Variants in IL1RAPL2 observed in about 807,000 individuals in gnomAD.
IL1RAPL2 encodes the protein X-linked interleukin-1 receptor accessory protein-like 2.
A neutral mutation model predicts 44.1 loss-of-function variants in IL1RAPL2; 3 were observed. That is an observed-to-expected ratio of 0.07 (90% CI 0.03 to 0.18). The LOEUF (loss-of-function observed/expected upper bound fraction) is 0.18, where lower values mean the gene tolerates loss of function less well. IL1RAPL2 is among the 10% of genes least tolerant of loss of function. IL1RAPL2 has a pLI of 1.00. For synonymous variants in IL1RAPL2, 181 were observed against 178.8 expected (o/e 1.01, Z -0.10); for missense variants, 391 against 496.4 (o/e 0.79, Z 2.02).
intron 2 of IL1RAPL2, among the ~76,000 whole-genome samples, chrX:104,967,144 A>G (rs191953538): frequency 8.9e-6 from 1 of 112,041 alleles, no homozygotes; most frequent in Non-Finnish European, 1.9e-5. Context: ...ATTTACTAAA[A>G]TTGTCACGTA....
chrX:105,084,382 A>T (rs1026810205), intron 2 of IL1RAPL2, among the ~76,000 whole-genome samples: 1 of 113,033 alleles, frequency 8.8e-6, no homozygotes, highest in Non-Finnish European at 1.9e-5. Flanking sequence ...ACTGGGGCAG[A>T]GCTGCCCAAG....
intron 5 of IL1RAPL2, among the ~76,000 whole-genome samples, chrX:105,424,168 A>T (rs1444203666): frequency 1.8e-5 from 2 of 112,441 alleles, no homozygotes; most frequent in East Asian, 5.6e-4. Flanking sequence ...CCCGTGACAC[A>T]GCTTCAGGAG....
chrX:105,009,973 A>AT (rs1302134251), intron 2 of IL1RAPL2, among the ~76,000 whole-genome samples: 1 of 110,400 alleles, frequency 9.1e-6, no homozygotes, highest in Non-Finnish European at 1.9e-5. Flanking sequence ...TTTTTAATTA[A>AT]TTTTTTTATT....
intron 6 of IL1RAPL2, among the ~76,000 whole-genome samples, chrX:105,675,869 T>A (rs1386335621): frequency 8.9e-6 from 1 of 112,139 alleles, no homozygotes; most frequent in South Asian, 3.7e-4. Context: ...GGATTCAACC[T>A]ATTCCTGGTT....
At position 104,784,602 on chromosome X, in the gene IL1RAPL2, T is replaced by C. The variant is rs181072400; in HGVS notation, c.82+125607T>C. 2.7e-5 allele frequency among the ~76,000 whole-genome samples: 3 copies of C among 110,871 alleles called. No individual in the cohort carries two copies. In the East Asian group the frequency reaches 8.5e-4, roughly 32 times the overall value. On this transcript the variant is annotated intron_variant, in intron 2 of 10. Coordinates refer to ENST00000372582, the MANE Select transcript of IL1RAPL2 (RefSeq NM_017416.2). Reference sequence around the variant, plus strand: ...CTGGTGGAAGCTTCTGAGTAGAAGGTAGACTCTAGGATTATCCACACATAA... The same window carrying C: ...CTGGTGGAAGCTTCTGAGTAGAAGGCAGACTCTAGGATTATCCACACATAA...
chrX:105,407,757 C>T (rs1048323733), intron 5 of IL1RAPL2, among the ~76,000 whole-genome samples: 19 of 111,676 alleles, frequency 1.7e-4, no homozygotes, highest in Non-Finnish European at 3.4e-4. Context: ...AGTGGAACTC[C>T]GGATGGAGGA....
At chrX:105,542,692 T>A (rs1294002271) in intron 6 of IL1RAPL2, among the ~76,000 whole-genome samples, 21 of 65,669 alleles carry the variant, frequency 3.2e-4, no homozygotes, top group African/African-American at 1.7e-3. Context: ...TTTTATATTT[T>A]TTATTTATTT....
At chrX:105,009,265 T>C (rs2031001488) in intron 2 of IL1RAPL2, among the ~76,000 whole-genome samples, 1 of 111,090 alleles carries the variant, frequency 9.0e-6, no homozygotes, top group Non-Finnish European at 1.9e-5. Context: ...ACCCAAAGGA[T>C]TATAAATCAT....
intron 2 of IL1RAPL2, among the ~76,000 whole-genome samples, chrX:105,164,875 T>A (rs1410770771): frequency 1.8e-5 from 2 of 112,229 alleles, no homozygotes; most frequent in South Asian, 3.7e-4. Flanking sequence ...TCATTTTAAA[T>A]CACTTTGAAC....
At chrX:104,908,502 G>A (rs1353695909) in intron 2 of IL1RAPL2, among the ~76,000 whole-genome samples, 4 of 111,037 alleles carry the variant, frequency 3.6e-5, no homozygotes, top group African/African-American at 1.3e-4. Flanking sequence ...AGGCCTGGTG[G>A]TGACAAAATC....
Position 105,022,877 on chromosome X carries a change from G to A in IL1RAPL2, c.83-172598G>A, listed in dbSNP as rs978409539. 4.5e-5 allele frequency among the ~76,000 whole-genome samples: 5 copies of A among 111,119 alleles called. 1 individual carries two copies. Among genetic ancestry groups the A allele is most frequent in the Admixed American group, 1.9e-4 (2 of 10,338 alleles). On this transcript the variant is annotated intron_variant, in intron 2 of 10. Transcript: ENST00000372582. ...GTCCAAAACCTGTGAAATGCCTTCA[G>A]GTGGATTTCTACAGTTTAAGATCGG...
chrX:104,871,469 T>C lies in IL1RAPL2; in HGVS notation c.82+212474T>C, dbSNP rs780201368. On this transcript the variant is annotated intron_variant, in intron 2 of 10. Transcript: ENST00000372582. ...ATTCATTTATCCAATAAAGGAATTA[T>C]CTTGTTGATGTTTAAGTTCCTTTCC... Among the ~76,000 whole-genome samples the C allele has an allele frequency of 9.9e-4, 111 of 111,964 alleles. 1 individual carries two copies. Among genetic ancestry groups the C allele is most frequent in the Non-Finnish European group, 1.8e-3 (97 of 53,053 alleles).
chrX:105,710,630 C>CT (rs2038201776), intron 6 of IL1RAPL2, among the ~76,000 whole-genome samples: 2 of 109,439 alleles, frequency 1.8e-5, no homozygotes, highest in South Asian at 3.8e-4. Context: ...TGTCAAACTT[C>CT]TTTTTTTTAG....
At chrX:105,409,380 C>G (rs977936152) in intron 5 of IL1RAPL2, among the ~76,000 whole-genome samples, 1 of 111,871 alleles carries the variant, frequency 8.9e-6, no homozygotes, top group Non-Finnish European at 1.9e-5. Flanking sequence ...ATTGGAGACA[C>G]TACTATGTTC....
rs746973597 is a variant in IL1RAPL2, at chrX:104,761,944, T to C, written c.82+102949T>C. ...TTCTCCTTCTTCTTCTTCTTCTTCT[T>C]CTTCTTCTTCTTCTTCTTCTTCTTC... On this transcript the variant is annotated intron_variant, in intron 2 of 10. Coordinates refer to ENST00000372582, the MANE Select transcript of IL1RAPL2 (RefSeq NM_017416.2). Among the ~76,000 whole-genome samples, 35 of 73,396 alleles carry C rather than the reference T, an allele frequency of 4.8e-4. 1 individual carries two copies. The highest frequency in any genetic ancestry group is 1.2e-3 in the South Asian group (2 of 1,604). The allele number at this position is 73,396 out of a possible 115,157, so 63.7% of individuals were successfully genotyped here.
rs1932515058 is a variant in IL1RAPL2, at chrX:104,764,188, A to G, written c.82+105193A>G. 5.4e-5 allele frequency among the ~76,000 whole-genome samples: 5 copies of G among 93,081 alleles called. No homozygotes were observed. The Admixed American group carries it at 5.8e-4, about 11-fold the overall frequency. 80.8% of individuals were successfully genotyped at this position (93,081 alleles called of 115,157 possible). ...TTGACACTACTGATTTTTCCAATCT[A>G]TGAACATGGAATTTTTTTTCATTTT... is the stretch of plus-strand genomic sequence containing the variant. On this transcript the variant is annotated intron_variant, in intron 2 of 10. Transcript: ENST00000372582.
At chrX:105,070,145 C>T (rs1347855991) in intron 2 of IL1RAPL2, among the ~76,000 whole-genome samples, 1 of 111,789 alleles carries the variant, frequency 8.9e-6, no homozygotes, top group Non-Finnish European at 1.9e-5. Context: ...ATCTGCTACT[C>T]TGCCTCTGGC....
At chrX:105,480,389 T>C (rs749341996) in intron 5 of IL1RAPL2, among the ~76,000 whole-genome samples, 1 of 112,140 alleles carries the variant, frequency 8.9e-6, no homozygotes, top group East Asian at 2.8e-4. Flanking sequence ...AAGGCAGTAA[T>C]AGTAGTAGCT....
At chrX:105,616,227 G>A (rs963954029) in intron 6 of IL1RAPL2, among the ~76,000 whole-genome samples, 1 of 111,780 alleles carries the variant, frequency 8.9e-6, no homozygotes, top group African/African-American at 3.2e-5. Context: ...GCAAGAGTGC[G>A]AATGATGAAG....
Sources: gnomAD v4.1 joint callset for allele counts (sites outside exome capture counted in the v4.1 genomes callset) on GRCh38, gnomAD v4.1.1 for gene constraint, MANE v1.5 for transcripts, NCBI Gene and HGNC (gene_info 2026-07-23, HGNC 2026-07-21) for gene names.